RABGAP1L: variants seen among roughly 807,000 people sequenced by gnomAD.
RABGAP1L encodes rab GTPase-activating protein 1-like.
Under a neutral mutation model 137.7 loss-of-function variants are expected in RABGAP1L, and 63 were observed. The observed-to-expected ratio is 0.46, with a 90% confidence interval of 0.37 to 0.56. The LOEUF is 0.56. Among genes scored for constraint, RABGAP1L ranks in the 20% least tolerant of loss-of-function variants. The probability of loss-of-function intolerance (pLI) is 0.00; values close to 1 mark genes in which losing one functional copy is unlikely to be tolerated. For synonymous variants in RABGAP1L, 431 were observed against 433.7 expected (o/e 0.99, Z 0.08); for missense variants, 1,095 against 1,244.0 (o/e 0.88, Z 1.80).
intron 14 of RABGAP1L, among the ~76,000 whole-genome samples, chr1:174,673,812 G>A (rs992896924): frequency 6.6e-6 from 1 of 152,142 alleles, no homozygotes; most frequent in Admixed American, 6.6e-5. Context: ...GCTGAAGTCT[G>A]AAAGGCTGAA....
intron 19 of RABGAP1L, among the ~76,000 whole-genome samples, chr1:174,885,776 G>A (rs1043502592): frequency 1.3e-5 from 2 of 151,864 alleles, no homozygotes; most frequent in Non-Finnish European, 2.9e-5. Context: ...GACCATCTTG[G>A]CTAACACAGT....
intron 24 of RABGAP1L, 37 bp downstream of exon 24, chr1:174,982,942 C>G: frequency 6.5e-7 from 1 of 1,542,668 alleles, no homozygotes; most frequent in East Asian, 2.4e-5. Context: ...AAATTTATTT[C>G]AAAGTCACAC....
At chr1:174,362,875 G>A (rs114149648) in intron 11 of RABGAP1L, among the ~76,000 whole-genome samples, 14 of 152,050 alleles carry the variant, frequency 9.2e-5, no homozygotes, top group African/African-American at 2.7e-4. Context: ...CCGATGTCTC[G>A]AATGGTATTG....
intron 17 of RABGAP1L, among the ~76,000 whole-genome samples, chr1:174,733,890 A>G: frequency 6.6e-6 from 1 of 152,184 alleles, no homozygotes; most frequent in Non-Finnish European, 1.5e-5. Context: ...GTTAATCCAG[A>G]TCAGGAGGTG....
intron 19 of RABGAP1L, among the ~76,000 whole-genome samples, chr1:174,914,990 C>CT (rs1660620235): frequency 2.0e-5 from 3 of 152,226 alleles, no homozygotes; most frequent in African/African-American, 7.2e-5. Context: ...GTTATTTCTT[C>CT]TTTTTTGTTG....
intron 13 of RABGAP1L, among the ~76,000 whole-genome samples, chr1:174,605,995 G>A (rs1374500537): frequency 6.6e-6 from 1 of 152,134 alleles, no homozygotes; most frequent in Non-Finnish European, 1.5e-5. Context: ...TGGAATTAAT[G>A]TTGCACTGAA....
At chr1:174,893,906 T>C (rs1656691087) in intron 19 of RABGAP1L, among the ~76,000 whole-genome samples, 2 of 152,338 alleles carry the variant, frequency 1.3e-5, no homozygotes, top group African/African-American at 4.8e-5. Flanking sequence ...AAGTCACTGA[T>C]ACTCTGAGCA....
intron 11 of RABGAP1L, among the ~76,000 whole-genome samples, chr1:174,360,001 C>T (rs993323909): frequency 2.0e-5 from 3 of 152,192 alleles, no homozygotes; most frequent in Admixed American, 2.0e-4. Context: ...TTTACCTCTC[C>T]CTTACTTGTT....
chr1:174,401,183 G>A (rs1178289627), intron 13 of RABGAP1L, among the ~76,000 whole-genome samples: 2 of 152,076 alleles, frequency 1.3e-5, no homozygotes, highest in African/African-American at 4.8e-5. Context: ...TGGTAGCTTC[G>A]CTTTAGGAGG....
intron 11 of RABGAP1L, among the ~76,000 whole-genome samples, chr1:174,349,919 C>A (rs1682939085): frequency 1.4e-5 from 2 of 143,782 alleles, no homozygotes; most frequent in Non-Finnish European, 3.1e-5. Flanking sequence ...CTGACCCCCC[C>A]CCACCTCCCT....
intron 4 of RABGAP1L, 82 bp from the exon 5 acceptor site, chr1:174,241,401 T>TTA: frequency 7.9e-5 from 57 of 721,238 alleles, no homozygotes; most frequent in South Asian, 1.7e-4. Context: ...TCTTTTTTTT[T>TTA]AAAAAAAAAA....
At chr1:174,781,830 C>A (rs1471280464) in intron 18 of RABGAP1L, among the ~76,000 whole-genome samples, 1 of 152,154 alleles carries the variant, frequency 6.6e-6, no homozygotes, top group Admixed American at 6.5e-5. Context: ...GGAATCCTTT[C>A]CCCATTTCTT....
chr1:174,661,892 C>T (rs1434347318), intron 14 of RABGAP1L, among the ~76,000 whole-genome samples: 1 of 151,886 alleles, frequency 6.6e-6, no homozygotes, highest in African/African-American at 2.4e-5. Context: ...TACTGTGCTG[C>T]CAGGTGTATA....
chr1:174,226,104 T>C (rs1670156388), intron 3 of RABGAP1L, among the ~76,000 whole-genome samples: 1 of 152,216 alleles, frequency 6.6e-6, no homozygotes. Flanking sequence ...GTTATTTGGC[T>C]GGAAAGATTG....
chr1:174,388,269 G>T (rs902749645), intron 12 of RABGAP1L, among the ~76,000 whole-genome samples: 1 of 151,690 alleles, frequency 6.6e-6, no homozygotes, highest in Admixed American at 6.6e-5. Flanking sequence ...AGCAAAACAT[G>T]AATAAAGTCA....
intron 13 of RABGAP1L, among the ~76,000 whole-genome samples, chr1:174,598,831 G>C (rs1185372032): frequency 4.0e-5 from 6 of 151,740 alleles, no homozygotes; most frequent in Admixed American, 3.9e-4. Flanking sequence ...AGATCATTGG[G>C]TCTTTTTTTT....
rs528797533 is a variant in RABGAP1L, at chr1:174,701,220, A to G, written c.2026-893A>G. On this transcript the variant is annotated intron_variant, in intron 16 of 25. Coordinates refer to ENST00000681986, the MANE Select transcript of RABGAP1L (RefSeq NM_001366446.1). ...CCATTTGCTTGTTTAAATTGGGAGA[A>G]AAAAATAAAGTTACCATAAAGGCAT... 1.6e-5 allele frequency: 21 copies of G among 1,273,352 alleles called. No homozygotes were observed. In the African/African-American group the frequency reaches 2.8e-4, roughly 17 times the overall value. 78.9% of individuals were successfully genotyped at this position (1,273,352 alleles called of 1,614,324 possible). A position where few individuals can be genotyped will look rare whatever the true frequency, so the allele number is the denominator to read the frequency against.
chr1:174,715,598 T>G (rs558785565), intron 17 of RABGAP1L, among the ~76,000 whole-genome samples: 1 of 152,352 alleles, frequency 6.6e-6, no homozygotes, highest in African/African-American at 2.4e-5. Context: ...CTCATACAGT[T>G]GCCCAATTTA....
At chr1:174,620,477 C>T (rs941105366) in intron 13 of RABGAP1L, among the ~76,000 whole-genome samples, 1 of 152,066 alleles carries the variant, frequency 6.6e-6, no homozygotes, top group Non-Finnish European at 1.5e-5. Flanking sequence ...AGGATTAAGA[C>T]ACTCACTCAA....
Sources: allele counts gnomAD v4.1 joint callset (sites outside exome capture counted in the v4.1 genomes callset), GRCh38; gene constraint gnomAD v4.1.1; transcripts MANE v1.5; gene names NCBI Gene and HGNC (gene_info 2026-07-23, HGNC 2026-07-21).